Variants in CTNNB1 observed in about 807,000 individuals in gnomAD.
CTNNB1 encodes the protein catenin beta 1.
Under a neutral mutation model 82.5 loss-of-function variants are expected in CTNNB1, and 6 were observed. The observed-to-expected ratio is 0.07, with a 90% CI of 0.04 to 0.14. The LOEUF (loss-of-function observed/expected upper bound fraction) is 0.14, where lower values mean the gene tolerates loss of function less well. CTNNB1 is among the 10% of genes least tolerant of loss of function. The pLI is 1.00. For synonymous variants in CTNNB1, 312 were observed against 329.7 expected, an observed-to-expected ratio of 0.95 and a Z score of 0.58; for missense variants, 529 against 980.4, an observed-to-expected ratio of 0.54 and a Z score of 6.15.
intron 11 of CTNNB1, 131 bp downstream of exon 11, chr3:41,235,974 T>G: frequency 8.4e-7 from 1 of 1,191,376 alleles, no homozygotes; most frequent in South Asian, 1.3e-5. Context: ...ATTCCCTACA[T>G]TTTTTGGTCA....
intron 1 of CTNNB1, among the ~76,000 whole-genome samples, chr3:41,207,600 A>G (rs1025931399): frequency 6.6e-6 from 1 of 152,182 alleles, no homozygotes; most frequent in Non-Finnish European, 1.5e-5. Context: ...ATGCCTTTTC[A>G]AGGACATTGT....
chr3:41,218,224 T>C (rs1043051947), intron 1 of CTNNB1, among the ~76,000 whole-genome samples: 4 of 152,198 alleles, frequency 2.6e-5, no homozygotes, highest in Non-Finnish European at 5.9e-5. Flanking sequence ...AATTGAAATA[T>C]TACCTTCTTC....
chr3:41,217,085 T>C (rs1348345909), intron 1 of CTNNB1, among the ~76,000 whole-genome samples: 2 of 152,192 alleles, frequency 1.3e-5, no homozygotes, highest in Non-Finnish European at 2.9e-5. Context: ...CTGATTCTCA[T>C]CTCTGTCTCT....
chr3:41,235,835 T>C lies in CTNNB1; in HGVS notation c.1795T>C (p.Phe599Leu), dbSNP rs1410068456. 6.2e-7 allele frequency: 1 copy of C among 1,614,028 alleles called. No individual in the cohort carries two copies. Among genetic ancestry groups the C allele is most frequent in the Non-Finnish European group, 8.5e-7 (1 of 1,179,988 alleles). Residue 599 changes from phenylalanine (F) to leucine (L), a missense_variant, in exon 11 of 15, where the codon TTT (phenylalanine) becomes CTT (leucine). Phe to Leu is a conservative substitution (Grantham distance 22). This residue lies in a region of CTNNB1 where 411 missense variants were observed against 776.4 expected (regional missense o/e 0.53). Coordinates refer to ENST00000349496, the MANE Select transcript of CTNNB1 (RefSeq NM_001904.4). ...VIRGLNTIPL[F>L]VQLLYSPIEN... ...CAGAGGACTAAATACCATTCCATTG[T>C]TTGTGCAGGTATGTTTTAAGTGAAG...
Position 41,239,703 on chromosome 3 carries a change from TGA to T in CTNNB1, c.*365_*366del, listed in dbSNP as rs2078529251. 1 of 396,028 alleles carries T rather than the reference TGA, an allele frequency of 2.5e-6. No individual in the cohort carries two copies. Among genetic ancestry groups the T allele is most frequent in the Non-Finnish European group, 4.7e-6 (1 of 213,408 alleles). The allele number at this position is 396,028 out of a possible 1,614,324, so 24.5% of individuals were successfully genotyped here. A position where few individuals can be genotyped will look rare whatever the true frequency, so the allele number is the denominator to read the frequency against. ...CATTGTGATTGGCCTGTAGAGTTGCTGAGAGGGCTCGAGGGGTGGGCTGGTAT... is the reference window on the plus strand; with the variant it reads ...CATTGTGATTGGCCTGTAGAGTTGCTGAGGGCTCGAGGGGTGGGCTGGTAT... On this transcript the variant is annotated 3_prime_UTR_variant, in exon 15 of 15. Coordinates refer to ENST00000349496, the MANE Select transcript of CTNNB1 (RefSeq NM_001904.4).
At chr3:41,217,665 A>T (rs17199505) in intron 1 of CTNNB1, among the ~76,000 whole-genome samples, 4,198 of 152,302 alleles carry the variant, frequency 0.028, 96 homozygotes, top group African/African-American at 0.06. Flanking sequence ...GCTTACTATC[A>T]AAAGTTTCTG....
At chr3:41,206,878 A>C (rs2077660333) in intron 1 of CTNNB1, among the ~76,000 whole-genome samples, 4 of 152,194 alleles carry the variant, frequency 2.6e-5, no homozygotes, top group Admixed American at 2.6e-4. Context: ...AATGTCCTCA[A>C]ACTTCGCTTA....
At position 41,236,452 on chromosome 3, in the gene CTNNB1, C is replaced by G; in HGVS notation, c.1907C>G (p.Ala636Gly). The change falls in exon 12 of 15, where the codon GCC becomes GGC. Residue 636 changes from alanine (A) to glycine (G), a missense_variant. Physicochemically the swap from Ala to Gly is moderately conservative, Grantham distance 60. Transcript: ENST00000349496. The part of the protein sequence containing the change: ...EAAEAIEAEG[A>G]TAPLTELLHS... ...GCAGAAGCTATTGAAGCTGAGGGAG[C>G]CACAGCTCCTCTGACAGAGTTACTT... The G allele has an allele frequency of 6.2e-7, 1 of 1,614,170 alleles. No homozygotes were observed. The highest frequency in any genetic ancestry group is 8.5e-7 in the Non-Finnish European group (1 of 1,180,024).
Position 41,225,927 on chromosome 3 carries a change from A to T in CTNNB1, c.936+66A>T. The T allele has an allele frequency of 6.8e-7, 1 of 1,464,858 alleles. No homozygotes were observed. The highest frequency in any genetic ancestry group is 9.5e-7 in the Non-Finnish European group (1 of 1,054,276). 90.7% of individuals were successfully genotyped at this position (1,464,858 alleles called of 1,614,324 possible). ...GACACCTCCAGTGTCATGTCATTCC[A>T]TGCAGTGTTCCTAACCTTTTTGGCA... On this transcript the variant is annotated intron_variant, in intron 6 of 14. Coordinates refer to ENST00000349496, the MANE Select transcript of CTNNB1 (RefSeq NM_001904.4). This position sits in a 1 kb window ranked among gnomAD's most constrained non-coding sequence, Gnocchi z 5.3.
Position 41,227,251 on chromosome 3 carries a change from T to C in CTNNB1, c.980T>C (p.Ile327Thr). The C allele has an allele frequency of 6.2e-7, 1 of 1,613,090 alleles. No homozygotes were observed. Among genetic ancestry groups the C allele is most frequent in the Non-Finnish European group, 8.5e-7 (1 of 1,179,066 alleles). ...GGTGGACCCCAAGCTTTAGTAAATA[T>C]AATGAGGACCTATACTTACGAAAAA... is the stretch of plus-strand genomic sequence containing the variant. ...ASGGPQALVN[I>T]MRTYTYEKLL... The change falls in exon 7 of 15, where the codon ATA becomes ACA. Residue 327 changes from isoleucine to threonine, a missense_variant. Coordinates refer to ENST00000349496, the MANE Select transcript of CTNNB1 (RefSeq NM_001904.4).
At position 41,233,584 on chromosome 3, in the gene CTNNB1, T is replaced by C. The variant is rs2078361320; in HGVS notation, c.1241T>C (p.Ile414Thr). ...GTTCAGCTTCTGGGTTCAGATGATA[T>C]AAATGTGGTCACCTGTGCAGCTGGA... ...TLVQLLGSDD[I>T]NVVTCAAGIL... Residue 414 changes from isoleucine to threonine, a missense_variant, in exon 9 of 15, where the codon ATA becomes ACA. Ile to Thr is a moderately conservative substitution (Grantham distance 89). Transcript: ENST00000349496. 3.1e-6 allele frequency: 5 copies of C among 1,614,054 alleles called. No individual in the cohort carries two copies. Among genetic ancestry groups the C allele is most frequent in the Admixed American group, 1.7e-5 (1 of 59,996 alleles).
At position 41,223,909 on chromosome 3, in the gene CTNNB1, T is replaced by C. The variant is rs559744276; in HGVS notation, c.-48-112T>C. On this transcript the variant is annotated intron_variant, in intron 1 of 14. Transcript: ENST00000349496. ...GTTTCACTAACCTGGTAAAAGAGGA[T>C]ATGGGTTTTTTTTGTGGGTGTAATA... The C allele has an allele frequency of 1.1e-5, 8 of 751,162 alleles. No homozygotes were observed. In the East Asian group the frequency reaches 2.1e-4, roughly 19 times the overall value. 46.5% of individuals were successfully genotyped at this position (751,162 alleles called of 1,614,324 possible).
chr3:41,203,770 T>A (rs2077587031), intron 1 of CTNNB1, among the ~76,000 whole-genome samples: 1 of 152,180 alleles, frequency 6.6e-6, no homozygotes, highest in African/African-American at 2.4e-5. Flanking sequence ...TTCTCTAGGC[T>A]CCTATGTTCA....
intron 1 of CTNNB1, among the ~76,000 whole-genome samples, chr3:41,215,685 C>A (rs781139015): frequency 6.6e-6 from 1 of 152,044 alleles, no homozygotes; most frequent in Admixed American, 6.5e-5. Flanking sequence ...TCTTACAACA[C>A]GTCGAGTAGA....
Position 41,225,158 on chromosome 3 carries a change from C to G in CTNNB1, c.446C>G (p.Ala149Gly), listed in dbSNP as rs2125620963. ...AACTATCAAGATGATGCAGAACTTG[C>G]CACACGTGCAATCCCTGAACTGACA... ...LINYQDDAEL[A>G]TRAIPELTKL... is the part of the protein sequence containing the mutation. Residue 149 changes from alanine to glycine, a missense_variant, in exon 4 of 15, where the codon GCC becomes GGC. Around this residue, in one of 4 missense-constraint regions of CTNNB1, gnomAD observed 411 missense variants for 776.4 expected, o/e 0.53. Coordinates refer to ENST00000349496, the MANE Select transcript of CTNNB1 (RefSeq NM_001904.4). This position sits in a 1 kb window ranked among gnomAD's most constrained non-coding sequence, Gnocchi z 5.3. The G allele has an allele frequency of 6.2e-7, 1 of 1,614,042 alleles. No individual in the cohort carries two copies. Among genetic ancestry groups the G allele is most frequent in the South Asian group, 1.1e-5 (1 of 91,080 alleles).
At chr3:41,220,897 C>A (rs1236312143) in intron 1 of CTNNB1, 1 of 152,150 alleles carries the variant, frequency 6.6e-6, no homozygotes, top group Non-Finnish European at 1.5e-5. Context: ...AAAATAACTT[C>A]AGTGTGAAAT....
At chr3:41,220,095 T>C (rs2078006372) in intron 1 of CTNNB1, among the ~76,000 whole-genome samples, 1 of 152,200 alleles carries the variant, frequency 6.6e-6, no homozygotes, top group East Asian at 1.9e-4. Flanking sequence ...ATTAATTTAT[T>C]TGAGGCATAT....
intron 13 of CTNNB1, chr3:41,237,514 C>CTTA (rs1456423714): frequency 1.4e-5 from 2 of 146,922 alleles, no homozygotes; most frequent in Admixed American, 1.4e-4. Context: ...TAATAGGCAT[C>CTTA]TTATTAACAT....
At chr3:41,230,654 G>T (rs533751324) in intron 7 of CTNNB1, among the ~76,000 whole-genome samples, 4 of 152,294 alleles carry the variant, frequency 2.6e-5, no homozygotes, top group Non-Finnish European at 5.9e-5. Context: ...ATGGGGAGGG[G>T]AATTGTCTAG....
Sources: allele counts gnomAD v4.1 joint callset (sites outside exome capture counted in the v4.1 genomes callset), GRCh38; gene constraint gnomAD v4.1.1; regional missense constraint gnomAD v4.1.1; non-coding constraint Gnocchi (gnomAD v3.1); transcripts MANE v1.5; gene names NCBI Gene and HGNC (gene_info 2026-07-23, HGNC 2026-07-21).